The following CES1 variants were observed in gnomAD, a reference collection of about 807,000 sequenced individuals.
CES1 encodes liver carboxylesterase 1.
A neutral mutation model predicts 53.0 loss-of-function variants in CES1; 50 were observed. The ratio of observed to expected loss-of-function variants is 0.94; its 90% confidence interval spans 0.75 to 1.19. The LOEUF is 1.19. Among genes scored for constraint, CES1 ranks in the 50% most tolerant of loss-of-function variants. The probability of loss-of-function intolerance (pLI) is 0.00; values close to 1 mark genes in which losing one functional copy is unlikely to be tolerated. For missense variants in CES1, 534 were observed against 538.0 expected (o/e 0.99, Z 0.07); for synonymous variants, 202 against 210.1 (o/e 0.96, Z 0.33).
rs555766953 is a variant in CES1, at chr16:55,823,401, G to A, written c.539+149C>T. ...AAGTGGATGAGTGGCTGGGTAGTGA[G>A]AGGGTAGGTAGTGTCCAATTACGAA... On this transcript the variant is annotated intron_variant, in intron 4 of 13. Transcript: ENST00000360526. The A allele has an allele frequency of 2.6e-3, 2,306 of 894,700 alleles. 3 individuals are homozygous for A. In the African/African-American group the frequency reaches 0.035, roughly 13 times the overall value. 55.4% of individuals were successfully genotyped at this position (894,700 alleles called of 1,614,324 possible). A position where few individuals can be genotyped will look rare whatever the true frequency, so the allele number is the denominator to read the frequency against.
chr16:55,810,748 G>A (rs2031653590), intron 10 of CES1, 84 bp from the exon 11 acceptor site: 2 of 1,546,318 alleles, frequency 1.3e-6, no homozygotes, highest in Non-Finnish European at 1.8e-6. Flanking sequence ...CCTCAATGGT[G>A]AACCCCATAA....
At chr16:55,829,344 C>T (rs1834351466) in intron 1 of CES1, among the ~76,000 whole-genome samples, 1 of 152,248 alleles carries the variant, frequency 6.6e-6, no homozygotes, top group Non-Finnish European at 1.5e-5. Flanking sequence ...GTCCCATATT[C>T]TCACAAGCAC....
At chr16:55,823,294 G>C (rs1415174015) in intron 4 of CES1, among the ~76,000 whole-genome samples, 1 of 152,186 alleles carries the variant, frequency 6.6e-6, no homozygotes, top group Non-Finnish European at 1.5e-5. Context: ...CTGGGGGCTG[G>C]GTCTTGCAGG....
intron 9 of CES1, chr16:55,812,538 G>C: frequency 2.8e-6 from 1 of 360,656 alleles, no homozygotes; most frequent in East Asian, 5.3e-5. Context: ...CCCAGCCCGA[G>C]GTGGGAAGCC....
chr16:55,816,635 A>G (rs2031956442), intron 8 of CES1, among the ~76,000 whole-genome samples: 1 of 152,126 alleles, frequency 6.6e-6, no homozygotes, highest in South Asian at 2.1e-4. Flanking sequence ...CTACAGTGCC[A>G]TTTTGGGGAG....
chr16:55,826,429 G>A (rs2032422778), intron 2 of CES1, 134 bp from the exon 3 acceptor site: 1 of 1,148,016 alleles, frequency 8.7e-7, no homozygotes. Flanking sequence ...CATTGTAGTG[G>A]GTAGGAGGCT....
intron 4 of CES1, among the ~76,000 whole-genome samples, chr16:55,821,804 TC>T (rs1457006872): frequency 6.6e-6 from 1 of 152,098 alleles, no homozygotes; most frequent in African/African-American, 2.4e-5. Flanking sequence ...GACACTGAAT[TC>T]CCACTACAGA....
chr16:55,816,218 C>T (rs187555547), intron 8 of CES1, among the ~76,000 whole-genome samples: 381 of 152,276 alleles, frequency 2.5e-3, no homozygotes, highest in Non-Finnish European at 1.2e-3. Context: ...TGTCCTGGCA[C>T]TGTAATGGAA....
In CES1 at chr16:55,811,053, T is replaced by G. The variant is rs200002583; in HGVS notation, c.1087-43A>C. 2.7e-6 allele frequency: 4 copies of G among 1,498,542 alleles called. No individual in the cohort carries two copies. The East Asian group carries it at 9.0e-5, about 34-fold the overall frequency. 92.8% of individuals were successfully genotyped at this position (1,498,542 alleles called of 1,614,324 possible). A position where few individuals can be genotyped will look rare whatever the true frequency, so the allele number is the denominator to read the frequency against. ...TTCAGCATTTATGAATCATTGGGAA[T>G]TAATGATAAGAAACAAACTGACCAA... On this transcript the variant is annotated intron_variant, in intron 9 of 13. Transcript: ENST00000360526.
intron 5 of CES1, among the ~76,000 whole-genome samples, chr16:55,820,989 C>T (rs2032161803): frequency 6.6e-6 from 1 of 152,150 alleles, no homozygotes; most frequent in Admixed American, 6.5e-5. Context: ...TCTGCCTGCC[C>T]TTACTCATAA....
At chr16:55,826,084 C>T in intron 3 of CES1, 67 bp downstream of exon 3, 1 of 1,605,060 alleles carries the variant, frequency 6.2e-7, no homozygotes, top group East Asian at 2.2e-5. Flanking sequence ...CACTCCCTTC[C>T]ATTCTGCCCC....
At position 55,821,365 on chromosome 16, in the gene CES1, C is replaced by G; in HGVS notation, c.693+3G>C. On this transcript the variant is annotated splice_donor_region_variant and intron_variant, in intron 5 of 13. Transcript: ENST00000360526. ...GGTTGGGCCTGGTGACAGGAAAACTCACAAGAACAGAGACACTTTCTCCTC... is the reference window on the plus strand; with the variant it reads ...GGTTGGGCCTGGTGACAGGAAAACTGACAAGAACAGAGACACTTTCTCCTC... The G allele has an allele frequency of 6.2e-7, 1 of 1,614,214 alleles. No individual in the cohort carries two copies. The highest frequency in any genetic ancestry group is 8.5e-7 in the Non-Finnish European group (1 of 1,180,038).
rs1414675786 is a variant in CES1 at position 55,824,069 on chromosome 16, G to GT, written c.406-387dup. Among the ~76,000 whole-genome samples, 5 of 152,252 alleles carry GT rather than the reference G, an allele frequency of 3.3e-5. No individual in the cohort carries two copies. In the South Asian group the frequency reaches 8.3e-4, roughly 25 times the overall value. On this transcript the variant is annotated intron_variant, in intron 3 of 13. Coordinates refer to ENST00000360526, the MANE Select transcript of CES1 (RefSeq NM_001025195.2). Reference sequence around the variant, plus strand: ...TCAGCGTACCCATGGGGCAGCCCTTGTATCTCAGCTTCATCTCAGTTAACT... The same window carrying GT: ...TCAGCGTACCCATGGGGCAGCCCTTGTTATCTCAGCTTCATCTCAGTTAACT...
intron 2 of CES1, chr16:55,827,923 GTGGAATA>G (rs2032481246): frequency 6.6e-6 from 1 of 152,176 alleles, no homozygotes; most frequent in African/African-American, 2.4e-5. Context: ...TCTCTGGGTG[GTGGAATA>G]TTGTATGTGA....
intron 8 of CES1, among the ~76,000 whole-genome samples, chr16:55,816,668 G>C (rs1324519147): frequency 1.3e-5 from 2 of 152,160 alleles, no homozygotes; most frequent in African/African-American, 4.8e-5. Context: ...AAAAGAAGGG[G>C]AGTGGGCAGA....
At chr16:55,814,768 C>T (rs570617885) in intron 8 of CES1, among the ~76,000 whole-genome samples, 2 of 152,314 alleles carry the variant, frequency 1.3e-5, no homozygotes, top group South Asian at 4.1e-4. Context: ...CTTTGGTCTG[C>T]TCTACAAAAG....
At position 55,826,305 on chromosome 16, in the gene CES1, G is replaced by A; in HGVS notation, c.261-10C>T. The A allele has an allele frequency of 1.2e-6, 2 of 1,613,962 alleles. No homozygotes were observed. The highest frequency in any genetic ancestry group is 1.7e-6 in the Non-Finnish European group (2 of 1,179,856). ...GGGATCTTGGGTGCACCTGGGGAGGGGGAAAGAAGAACCCCTGAAGTTCAG... is the reference window on the plus strand; with the variant it reads ...GGGATCTTGGGTGCACCTGGGGAGGAGGAAAGAAGAACCCCTGAAGTTCAG... On this transcript the variant is annotated splice_polypyrimidine_tract_variant and intron_variant, in intron 2 of 13. Transcript: ENST00000360526.
At chr16:55,821,928 C>T (rs1260961379) in intron 4 of CES1, among the ~76,000 whole-genome samples, 1 of 152,146 alleles carries the variant, frequency 6.6e-6, no homozygotes, top group Non-Finnish European at 1.5e-5. Context: ...ACAGGGGGTG[C>T]CATTTCAGAT....
chr16:55,831,035 G>A (rs1164123198), intron 1 of CES1, among the ~76,000 whole-genome samples: 1 of 152,146 alleles, frequency 6.6e-6, no homozygotes, highest in Non-Finnish European at 1.5e-5. Flanking sequence ...CAGGATGAGC[G>A]CACTTCAAAG....
Sources: allele counts gnomAD v4.1 joint callset (sites outside exome capture counted in the v4.1 genomes callset), GRCh38; gene constraint gnomAD v4.1.1; transcripts MANE v1.5; gene names NCBI Gene and HGNC (gene_info 2026-07-23, HGNC 2026-07-21).